The following PRELID2 variants were observed in gnomAD, a reference collection of about 807,000 sequenced individuals.
PRELID2 encodes the protein PRELI domain-containing protein 2.
PRELID2 carries 25 observed loss-of-function variants against 28.4 expected under a neutral mutation model. That is an observed-to-expected ratio of 0.88 (90% confidence interval 0.64 to 1.23). The LOEUF is 1.23. PRELID2 is among the 50% of genes most tolerant of loss of function. PRELID2 has a pLI of 0.00. For missense variants in PRELID2, 201 were observed against 214.4 expected (o/e 0.94, Z 0.39); for synonymous variants, 76 against 71.6 (o/e 1.06, Z -0.31).
At chr5:145,348,393 T>C in the PRELID2 span, among the ~76,000 whole-genome samples, 1 of 152,140 alleles carries the variant, frequency 6.6e-6, no homozygotes, top group Non-Finnish European at 1.5e-5. Flanking sequence ...GCCAACCTTA[T>C]AGTCCCTTTT....
rs559240876 is a variant in PRELID2 at position 145,770,195 on chromosome 5, T to C, written c.475-5195A>G. Among the ~76,000 whole-genome samples, 6 of 152,320 alleles carry C rather than the reference T, an allele frequency of 3.9e-5. No individual in the cohort carries two copies. In the South Asian group the frequency reaches 1.2e-3, roughly 32 times the overall value. On this transcript the variant is annotated intron_variant, in intron 5 of 6. Transcript: ENST00000683046. ...ACTACTGGTTTATATATTTATTATG[T>C]TGTACTTTTTATCATTTTAGAATGT... is the stretch of plus-strand genomic sequence containing the variant.
At chr5:145,255,273 T>C in the PRELID2 span, among the ~76,000 whole-genome samples, 1 of 151,824 alleles carries the variant, frequency 6.6e-6, no homozygotes, top group African/African-American at 2.4e-5. Context: ...TTATGAGACT[T>C]TAAAATAACT....
the PRELID2 span, among the ~76,000 whole-genome samples, chr5:145,258,794 T>C: frequency 2.0e-5 from 3 of 152,050 alleles, no homozygotes; most frequent in African/African-American, 7.2e-5. Context: ...ACTGTAGAAA[T>C]TTGCATAAGT....
the PRELID2 span, among the ~76,000 whole-genome samples, chr5:145,236,802 T>C: frequency 2.6e-5 from 4 of 152,108 alleles, no homozygotes; most frequent in Admixed American, 6.6e-5. Context: ...CTTCCACACC[T>C]TTAAGGAAAT....
chr5:145,829,057 T>TTGTTGG, intron 1 of PRELID2, among the ~76,000 whole-genome samples: 1 of 148,992 alleles, frequency 6.7e-6, no homozygotes, highest in South Asian at 2.2e-4. Flanking sequence ...TTTGTTGTTG[T>TTGTTGG]TGGTGGTGGT....
chr5:145,384,019 T>C, the PRELID2 span, among the ~76,000 whole-genome samples: 12 of 152,132 alleles, frequency 7.9e-5, no homozygotes, highest in Admixed American at 7.9e-4. Context: ...ACACATTTCA[T>C]AAAAGAAGGT....
the PRELID2 span, among the ~76,000 whole-genome samples, chr5:145,430,253 G>A: frequency 1.3e-5 from 2 of 152,104 alleles, no homozygotes; most frequent in African/African-American, 4.8e-5. Flanking sequence ...TTTTTCCTCT[G>A]ACACCCTACA....
chr5:145,651,147 G>C (rs944770191), intron 1 of PRELID2, among the ~76,000 whole-genome samples: 11 of 152,274 alleles, frequency 7.2e-5, no homozygotes, highest in African/African-American at 2.6e-4. Context: ...CGCCCACGGA[G>C]CCTCATTCAT....
chr5:145,570,976 T>G (rs981806561), intron 1 of PRELID2, among the ~76,000 whole-genome samples: 2 of 152,234 alleles, frequency 1.3e-5, no homozygotes, highest in African/African-American at 2.4e-5. Flanking sequence ...ATCCAGCCAT[T>G]CTTTAAACAT....
chr5:145,301,625 T>A, the PRELID2 span, among the ~76,000 whole-genome samples: 13 of 152,184 alleles, frequency 8.5e-5, no homozygotes, highest in Non-Finnish European at 1.9e-4. Flanking sequence ...TTCTAGAAGC[T>A]TTGTATTCTT....
the PRELID2 span, among the ~76,000 whole-genome samples, chr5:145,418,083 C>T: frequency 1.3e-5 from 2 of 152,124 alleles, no homozygotes; most frequent in Non-Finnish European, 2.9e-5. Context: ...AAATTGCTAG[C>T]ATTTTTATAC....
chr5:145,771,570 A>G lies in PRELID2; in HGVS notation c.475-6570T>C, dbSNP rs181165919. Among the ~76,000 whole-genome samples the G allele has an allele frequency of 1.4e-4, 21 of 151,792 alleles. 1 individual carries two copies. Among genetic ancestry groups the G allele is most frequent in the Middle Eastern group, 6.8e-3 (2 of 294 alleles). ...AAGGAGGCTTAAGAAAATGGATGGA[A>G]GTGGCTGGGCACAGTGGCTCACGCC... On this transcript the variant is annotated intron_variant, in intron 5 of 6. Transcript: ENST00000683046.
chr5:145,665,826 C>T (rs190464497), intron 1 of PRELID2, among the ~76,000 whole-genome samples: 1 of 152,076 alleles, frequency 6.6e-6, no homozygotes. Flanking sequence ...ATTCAAATGG[C>T]ACTCCTTAGT....
chr5:145,320,699 A>T, the PRELID2 span, among the ~76,000 whole-genome samples: 1 of 152,204 alleles, frequency 6.6e-6, no homozygotes, highest in South Asian at 2.1e-4. Flanking sequence ...CTGTTAATAG[A>T]AAACAAGGAG....
At chr5:145,348,780 T>G in the PRELID2 span, among the ~76,000 whole-genome samples, 1 of 152,152 alleles carries the variant, frequency 6.6e-6, no homozygotes, top group Non-Finnish European at 1.5e-5. Flanking sequence ...GAAAAGGCAT[T>G]ATCACAATGT....
chr5:145,610,192 C>T (rs1194956864), intron 1 of PRELID2, among the ~76,000 whole-genome samples: 1 of 152,120 alleles, frequency 6.6e-6, no homozygotes, highest in Non-Finnish European at 1.5e-5. Context: ...TCACTCACAC[C>T]CTTTCCCACA....
At chr5:145,524,757 C>G (rs1056222316) in intron 1 of PRELID2, among the ~76,000 whole-genome samples, 3 of 152,172 alleles carry the variant, frequency 2.0e-5, no homozygotes, top group Non-Finnish European at 4.4e-5. Context: ...AACCAACCAA[C>G]CATTCTGGGT....
chr5:145,608,573 A>G (rs1753544018), intron 1 of PRELID2, among the ~76,000 whole-genome samples: 1 of 152,168 alleles, frequency 6.6e-6, no homozygotes, highest in African/African-American at 2.4e-5. Context: ...ATAGGCCCCC[A>G]ATCTTCCAAT....
Position 145,740,753 on chromosome 5 carries a change from T to C in PRELID2, n.70+24178A>G, listed in dbSNP as rs1292555342. On this transcript the variant is annotated intron_variant and non_coding_transcript_variant, in intron 1 of 2. Coordinates refer to the PRELID2 transcript ENST00000510259. The stretch of plus-strand genomic sequence containing the variant: ...AAATATTATATATAAATATATTATA[T>C]ATTTATGTATAAATATATAATATAT... 4.2e-5 allele frequency among the ~76,000 whole-genome samples: 5 copies of C among 118,208 alleles called. No individual in the cohort carries two copies. The East Asian group carries it at 1.2e-3, about 29-fold the overall frequency. 77.5% of individuals were successfully genotyped at this position (118,208 alleles called of 152,430 possible). A position where few individuals can be genotyped will look rare whatever the true frequency, so the allele number is the denominator to read the frequency against.
Sources: gnomAD v4.1 joint callset for allele counts (sites outside exome capture counted in the v4.1 genomes callset) on GRCh38, gnomAD v4.1.1 for gene constraint, MANE v1.5 for transcripts, NCBI Gene and HGNC (gene_info 2026-07-23, HGNC 2026-07-21) for gene names.